LRRC56: variants seen among roughly 807,000 people sequenced by gnomAD.
The protein encoded by LRRC56 is leucine rich repeat containing 56.
A neutral mutation model predicts 47.8 loss-of-function variants in LRRC56; 41 were observed. That is an observed-to-expected ratio of 0.86 (90% CI 0.67 to 1.11). The LOEUF (loss-of-function observed/expected upper bound fraction) is 1.11. Ranked by LOEUF, LRRC56 falls within the 50% of genes most tolerant of loss-of-function variation. The pLI is 0.00. For missense variants in LRRC56, 759 were observed against 704.2 expected, an observed-to-expected ratio of 1.08 and a Z score of -0.88; for synonymous variants, 387 against 311.2, an observed-to-expected ratio of 1.24 and a Z score of -2.56.
chr11:552,227 C>A lies in LRRC56; in HGVS notation c.1176C>A (p.Gly392=). Residue 392 remains glycine, a synonymous_variant, in exon 12 of 14, where the codon GGC becomes GGA. Coordinates refer to ENST00000270115, the MANE Select transcript of LRRC56 (RefSeq NM_198075.4). Reference sequence around the variant, plus strand: ...GGCTCAGGGCCTGGAGGGAACATGGCGTGCGGTGGGTGTCCCTCCAGCTCT... The same window carrying A: ...GGCTCAGGGCCTGGAGGGAACATGGAGTGCGGTGGGTGTCCCTCCAGCTCT... The part of the protein sequence containing the change: ...LAGLRAWREH[G]VRPLPYRHPE... 2 of 1,608,986 alleles carry A rather than the reference C, an allele frequency of 1.2e-6. No homozygotes were observed. Among genetic ancestry groups the A allele is most frequent in the South Asian group, 1.1e-5 (1 of 90,860 alleles).
the LRRC56 span, among the ~76,000 whole-genome samples, chr11:508,618 T>A: frequency 7.2e-6 from 1 of 139,274 alleles, no homozygotes; most frequent in Non-Finnish European, 1.6e-5. Flanking sequence ...AATACAAAAA[T>A]TAGCCAGGCA....
At chr11:550,331 C>T in intron 8 of LRRC56, 59 bp downstream of exon 8, 2 of 1,449,498 alleles carry the variant, frequency 1.4e-6, no homozygotes, top group Non-Finnish European at 1.8e-6. Flanking sequence ...CCCTGTGGCT[C>T]CAGCCCCGGG....
the LRRC56 span, among the ~76,000 whole-genome samples, chr11:526,405 C>T: frequency 3.3e-5 from 5 of 152,068 alleles, no homozygotes; most frequent in African/African-American, 7.2e-5. Flanking sequence ...CGATGCATCC[C>T]GGCTGAGAAG....
the LRRC56 span, among the ~76,000 whole-genome samples, chr11:521,303 G>T: frequency 6.6e-6 from 1 of 152,122 alleles, no homozygotes; most frequent in African/African-American, 2.4e-5. Flanking sequence ...GCATACTTCC[G>T]CTTGGTTCTG....
rs1339755152 is a variant in LRRC56, at chr11:540,615, C to T, written c.-11-59C>T. 2.2e-5 allele frequency: 32 copies of T among 1,481,306 alleles called. No homozygotes were observed. The Admixed American group carries it at 2.7e-4, about 12-fold the overall frequency. The allele number at this position is 1,481,306 out of a possible 1,614,324, so 91.8% of individuals were successfully genotyped here. On this transcript the variant is annotated intron_variant, in intron 3 of 13. Transcript: ENST00000270115. ...TTGAGGGCTGGGCCAGGGTCTCAGC[C>T]GGGCTGCAGAGGAGGAGGAGCAACA... is the stretch of plus-strand genomic sequence containing the variant.
chr11:552,890 C>T (rs1011315364), intron 13 of LRRC56, among the ~76,000 whole-genome samples, 188 bp downstream of exon 13: 3 of 152,220 alleles, frequency 2.0e-5, no homozygotes, highest in Admixed American at 6.5e-5. Context: ...AGGCCCAACC[C>T]AAGTCCTCTC....
intron 6 of LRRC56, among the ~76,000 whole-genome samples, chr11:545,905 G>T (rs1203809475): frequency 6.6e-6 from 1 of 152,188 alleles, no homozygotes; most frequent in Non-Finnish European, 1.5e-5. Flanking sequence ...ATGAGGATAA[G>T]GGTATTCATT....
the LRRC56 span, among the ~76,000 whole-genome samples, chr11:508,127 T>G: frequency 6.6e-6 from 1 of 152,254 alleles, no homozygotes; most frequent in Admixed American, 6.5e-5. Context: ...CTCAGATTTG[T>G]TCTTTAGCAA....
At chr11:531,171 G>C in the LRRC56 span, among the ~76,000 whole-genome samples, 1 of 150,582 alleles carries the variant, frequency 6.6e-6, no homozygotes, top group African/African-American at 2.5e-5. Flanking sequence ...CTGGAGAGAA[G>C]GGCGAGTGTG....
the LRRC56 span, chr11:506,885 C>G: frequency 6.6e-6 from 1 of 152,290 alleles, no homozygotes; most frequent in Non-Finnish European, 1.5e-5. Context: ...ATGACGTCCT[C>G]AAGGCGCGCC....
the LRRC56 span, among the ~76,000 whole-genome samples, chr11:520,862 CGCT>C: frequency 3.3e-5 from 5 of 152,150 alleles, no homozygotes; most frequent in Non-Finnish European, 7.3e-5. Flanking sequence ...AATTTGGAAA[CGCT>C]GCACAATGCG....
chr11:516,632 T>G, the LRRC56 span, among the ~76,000 whole-genome samples: 1 of 152,108 alleles, frequency 6.6e-6, no homozygotes, highest in African/African-American at 2.4e-5. Flanking sequence ...ATTCACCATA[T>G]AAGCAGATTA....
At chr11:518,004 C>T in the LRRC56 span, among the ~76,000 whole-genome samples, 1 of 152,138 alleles carries the variant, frequency 6.6e-6, no homozygotes, top group African/African-American at 2.4e-5. Context: ...TCCCTAATCT[C>T]AACTACCCAG....
At position 554,154 on chromosome 11, in the gene LRRC56, G is replaced by C. The variant is rs1216582844; in HGVS notation, c.1507G>C (p.Glu503Gln). Residue 503 changes from glutamate (E) to glutamine (Q), a missense_variant, in exon 14 of 14, where the codon GAG becomes CAG. Coordinates refer to ENST00000270115, the MANE Select transcript of LRRC56 (RefSeq NM_198075.4). ...VAAVPVLRAL[E>Q]VASRLSPRAQ... ...TGCAGTGCCTGTCCTGAGAGCCCTG[G>C]AGGTGGCCTCACGCCTGAGCCCTCG... 6.3e-7 allele frequency: 1 copy of C among 1,598,758 alleles called. No individual in the cohort carries two copies.
At chr11:532,459 C>T in the LRRC56 span, 5 of 861,886 alleles carry the variant, frequency 5.8e-6, no homozygotes, top group Non-Finnish European at 5.3e-6. Flanking sequence ...TTCCGTCCTT[C>T]CTTCCTCCTC....
At chr11:540,985 T>A in intron 4 of LRRC56, 124 bp downstream of exon 4, 1 of 868,372 alleles carries the variant, frequency 1.2e-6, no homozygotes, top group Non-Finnish European at 1.7e-6. Flanking sequence ...CTGCTGATGG[T>A]TGGCCTCAGC....
rs765242576 is a variant in LRRC56, at chr11:552,229, TGCGGTGG to T, written c.1180_1181+5del. On this transcript the variant is annotated splice_donor_variant and splice_donor_region_variant and coding_sequence_variant and intron_variant, in exon 12 of 14. Transcript: ENST00000270115. LOFTEE classifies it high-confidence loss of function. ...CTCAGGGCCTGGAGGGAACATGGCGTGCGGTGGGTGTCCCTCCAGCTCTTCCACTGGG... is the reference window on the plus strand; with the variant it reads ...CTCAGGGCCTGGAGGGAACATGGCGTGTGTCCCTCCAGCTCTTCCACTGGG... 9.3e-6 allele frequency: 15 copies of T among 1,608,684 alleles called. No individual in the cohort carries two copies. The highest frequency in any genetic ancestry group is 1.2e-5 in the Non-Finnish European group (14 of 1,176,896).
intron 9 of LRRC56, 43 bp downstream of exon 9, chr11:551,345 T>TC: frequency 7.2e-7 from 1 of 1,383,368 alleles, no homozygotes; most frequent in Non-Finnish European, 9.7e-7. Flanking sequence ...GAGCCCCAGC[T>TC]CCCCCCAGGA....
chr11:521,014 CGTCTT>C, the LRRC56 span, among the ~76,000 whole-genome samples: 6 of 152,240 alleles, frequency 3.9e-5, no homozygotes, highest in Admixed American at 1.3e-4. Flanking sequence ...CCGATGCTCT[CGTCTT>C]GTCTGACTTT....
Sources: gnomAD v4.1 joint callset for allele counts (sites outside exome capture counted in the v4.1 genomes callset) on GRCh38, gnomAD v4.1.1 for gene constraint, MANE v1.5 for transcripts, NCBI Gene and HGNC (gene_info 2026-07-23, HGNC 2026-07-21) for gene names.